The following FBXO11 variants were observed in gnomAD, a reference collection of about 807,000 sequenced individuals.
FBXO11 encodes F-box protein 11.
A neutral mutation model predicts 117.0 loss-of-function variants in FBXO11; 13 were observed. That is an observed-to-expected ratio of 0.11 (90% CI 0.07 to 0.18). FBXO11 has a LOEUF of 0.18. Ranked by LOEUF, FBXO11 falls within the 10% of genes least tolerant of loss-of-function variation. FBXO11 has a pLI of 1.00. For missense variants in FBXO11, 767 were observed against 1,164.4 expected (o/e 0.66, Z 4.97); for synonymous variants, 490 against 380.5 (o/e 1.29, Z -3.35).
At chr2:47,857,547 A>T (rs960326207) in intron 1 of FBXO11, among the ~76,000 whole-genome samples, 1 of 152,226 alleles carries the variant, frequency 6.6e-6, no homozygotes, top group African/African-American at 2.4e-5. Flanking sequence ...TGATCTACAT[A>T]GAAGCTTAGA....
chr2:47,837,134 G>A (rs1351823367), intron 4 of FBXO11: 1 of 180,218 alleles, frequency 5.5e-6, no homozygotes, highest in Non-Finnish European at 1.2e-5. Context: ...TCTTCAAACT[G>A]GAGTAATGGC....
chr2:47,898,820 C>G (rs912929690), intron 1 of FBXO11, among the ~76,000 whole-genome samples: 3 of 152,062 alleles, frequency 2.0e-5, no homozygotes, highest in African/African-American at 7.2e-5. Context: ...AAACATTCTG[C>G]CAAATGTATT....
At chr2:47,889,012 C>G (rs776605218) in intron 1 of FBXO11, among the ~76,000 whole-genome samples, 1 of 152,146 alleles carries the variant, frequency 6.6e-6, no homozygotes, top group Non-Finnish European at 1.5e-5. Flanking sequence ...ACACCTTGGA[C>G]TAGAGAAGAT....
Position 47,810,332 on chromosome 2 carries a change from A to T in FBXO11, c.2322T>A (p.Phe774Leu), listed in dbSNP as rs755215492. 6.2e-7 allele frequency: 1 copy of T among 1,607,104 alleles called. No homozygotes were observed. The highest frequency in any genetic ancestry group is 1.3e-5 in the African/African-American group (1 of 74,576). Reference sequence around the variant, plus strand: ...AATACAAACCTGCGGCAAATCCATCAAATATTCTGTTTTTCCTTAAGATTG... The same window carrying T: ...AATACAAACCTGCGGCAAATCCATCTAATATTCTGTTTTTCCTTAAGATTG... Reference protein sequence around the residue: ...SHPILRKNRIFDGFAAGIEIT... With the variant: ...SHPILRKNRILDGFAAGIEIT... Residue 774 changes from phenylalanine to leucine, a missense_variant, in exon 19 of 23, where the codon TTT (phenylalanine) becomes TTA (leucine). This residue lies in a region of FBXO11 where 66 missense variants were observed against 82.7 expected (regional missense o/e 0.80). Transcript: ENST00000403359.
intron 11 of FBXO11, among the ~76,000 whole-genome samples, chr2:47,830,217 A>T (rs1672079094): frequency 6.6e-6 from 1 of 152,160 alleles, no homozygotes; most frequent in Non-Finnish European, 1.5e-5. Context: ...AAAGAAAAAA[A>T]CCCAATGTGA....
chr2:47,852,672 A>G (rs1031087585), intron 1 of FBXO11, among the ~76,000 whole-genome samples: 2 of 152,226 alleles, frequency 1.3e-5, no homozygotes, highest in South Asian at 4.1e-4. Flanking sequence ...GGATGATAAT[A>G]ATGATAGTAA....
rs1312331364 is a variant in FBXO11, at chr2:47,900,634, AC to A, written c.232+4854del. On this transcript the variant is annotated intron_variant, in intron 1 of 22. Coordinates refer to ENST00000403359, the MANE Select transcript of FBXO11 (RefSeq NM_001190274.2). ...CACGTATATACACACGTATACACACACGTACGTATATACACACGTATACACA... is the reference window on the plus strand; with the variant it reads ...CACGTATATACACACGTATACACACAGTACGTATATACACACGTATACACA... 3.6e-4 allele frequency among the ~76,000 whole-genome samples: 14 copies of A among 38,958 alleles called. 2 individuals carry two copies. The highest frequency in any genetic ancestry group is 1.4e-3 in the African/African-American group (13 of 9,026). The allele number at this position is 38,958 out of a possible 152,430, so 25.6% of individuals were successfully genotyped here.
intron 1 of FBXO11, among the ~76,000 whole-genome samples, chr2:47,852,353 G>A (rs1181619215): frequency 6.6e-6 from 1 of 152,076 alleles, no homozygotes; most frequent in African/African-American, 2.4e-5. Context: ...ATGGAGAGGG[G>A]GCTCAGCATC....
chr2:47,824,852 A>G lies in FBXO11; in HGVS notation c.1399-1492T>C, dbSNP rs571432769. 3.0e-4 allele frequency among the ~76,000 whole-genome samples: 46 copies of G among 152,344 alleles called. 1 individual carries two copies. In the South Asian group the frequency reaches 8.9e-3, roughly 30 times the overall value. On this transcript the variant is annotated intron_variant, in intron 11 of 22. Transcript: ENST00000403359. ...CATAATTCTGATATCCTTAGGCCAA[A>G]GACTAAATGCAGACTGAATATTAAG... is the stretch of plus-strand genomic sequence containing the variant.
rs1209116837 is a variant in FBXO11 at position 47,906,407 on chromosome 2, C to T, written c.-687G>A. On this transcript the variant is annotated 5_prime_UTR_variant, in exon 1 of 23. Transcript: ENST00000403359. ...CTTCCTCCTCCTTAAAGGAACCTTTCCTCCTCCTCCTCGTCAGCCCTGTCG... is the reference window on the plus strand; with the variant it reads ...CTTCCTCCTCCTTAAAGGAACCTTTTCTCCTCCTCCTCGTCAGCCCTGTCG... 6.6e-6 allele frequency among the ~76,000 whole-genome samples: 1 copy of T among 151,764 alleles called. No individual in the cohort carries two copies. The highest frequency in any genetic ancestry group is 1.5e-5 in the Non-Finnish European group (1 of 68,014).
intron 5 of FBXO11, 66 bp from the exon 6 acceptor site, chr2:47,834,937 A>C: frequency 9.1e-7 from 1 of 1,102,948 alleles, no homozygotes; most frequent in East Asian, 2.4e-5. Context: ...AAATTAATGT[A>C]CAATTGCATG....
intron 11 of FBXO11, among the ~76,000 whole-genome samples, 168 bp from the exon 12 acceptor site, chr2:47,823,528 G>A (rs1192784228): frequency 6.6e-6 from 1 of 152,160 alleles, no homozygotes; most frequent in Non-Finnish European, 1.5e-5. Context: ...GCCCTAGGAA[G>A]GTGGATCACC....
intron 1 of FBXO11, among the ~76,000 whole-genome samples, chr2:47,845,723 G>T (rs1272026538): frequency 1.3e-5 from 2 of 151,988 alleles, no homozygotes; most frequent in African/African-American, 4.8e-5. Context: ...GGCGAGGCAG[G>T]GTAACAAGGG....
intron 13 of FBXO11, among the ~76,000 whole-genome samples, chr2:47,821,778 C>CT (rs1671408695): frequency 6.6e-6 from 1 of 152,166 alleles, no homozygotes; most frequent in South Asian, 2.1e-4. Context: ...GAGTGAGACT[C>CT]TGTCTCAAAA....
At chr2:47,872,819 C>T (rs894506333) in intron 1 of FBXO11, among the ~76,000 whole-genome samples, 3 of 152,196 alleles carry the variant, frequency 2.0e-5, no homozygotes, top group Non-Finnish European at 4.4e-5. Flanking sequence ...AACTATTCCA[C>T]TCTAAATTTT....
At chr2:47,903,687 A>C (rs1002397611) in intron 1 of FBXO11, among the ~76,000 whole-genome samples, 1 of 152,246 alleles carries the variant, frequency 6.6e-6, no homozygotes, top group Non-Finnish European at 1.5e-5. Flanking sequence ...TAATATTATT[A>C]ACCAATTACC....
chr2:47,891,604 G>A (rs1191395745), intron 1 of FBXO11, among the ~76,000 whole-genome samples: 2 of 152,118 alleles, frequency 1.3e-5, no homozygotes, highest in Non-Finnish European at 2.9e-5. Context: ...ATTTCTTCAA[G>A]TTCCTGATTT....
intron 1 of FBXO11, among the ~76,000 whole-genome samples, chr2:47,888,043 G>A (rs1165487082): frequency 6.6e-6 from 1 of 151,330 alleles, no homozygotes; most frequent in African/African-American, 2.4e-5. Flanking sequence ...AAAAATGAAA[G>A]ATATATATAT....
intron 11 of FBXO11, among the ~76,000 whole-genome samples, chr2:47,823,852 T>C (rs2104743147): frequency 6.6e-6 from 1 of 152,146 alleles, no homozygotes; most frequent in Middle Eastern, 3.4e-3. Context: ...TGTTTTAATT[T>C]TTTTTTTTTT....
Sources: allele counts gnomAD v4.1 joint callset (sites outside exome capture counted in the v4.1 genomes callset), GRCh38; gene constraint gnomAD v4.1.1; regional missense constraint gnomAD v4.1.1; transcripts MANE v1.5; gene names NCBI Gene and HGNC (gene_info 2026-07-23, HGNC 2026-07-21).